Variants in HIP1 observed in about 807,000 individuals in gnomAD.
HIP1 encodes huntingtin interacting protein 1.
A neutral mutation model predicts 147.6 loss-of-function variants in HIP1; 65 were observed. That is an observed-to-expected ratio of 0.44 (90% CI 0.36 to 0.54). The LOEUF is 0.54. HIP1 is among the 20% of genes least tolerant of loss of function. The probability of loss-of-function intolerance (pLI) is 0.00; values close to 1 mark genes in which losing one functional copy is unlikely to be tolerated. For synonymous variants in HIP1, 479 were observed against 504.0 expected, an observed-to-expected ratio of 0.95 and a Z score of 0.67; for missense variants, 1,061 against 1,299.6, an observed-to-expected ratio of 0.82 and a Z score of 2.82.
At chr7:75,636,115 G>A (rs1798418650) in intron 1 of HIP1, among the ~76,000 whole-genome samples, 2 of 151,772 alleles carry the variant, frequency 1.3e-5, no homozygotes, top group Admixed American at 6.6e-5. Context: ...GCTGAGGTGG[G>A]TGGATTGCTT....
At chr7:75,695,176 T>C (rs1394911509) in intron 1 of HIP1, among the ~76,000 whole-genome samples, 4 of 152,214 alleles carry the variant, frequency 2.6e-5, no homozygotes, top group Admixed American at 2.6e-4. Context: ...TCCGTGTGCA[T>C]GGCGGAGCTC....
intron 13 of HIP1, among the ~76,000 whole-genome samples, chr7:75,560,231 GTCTCT>G (rs1262311767): frequency 3.3e-5 from 5 of 151,994 alleles, no homozygotes; most frequent in African/African-American, 1.2e-4. Flanking sequence ...GCTCACAGCT[GTCTCT>G]TCTCTTTTTT....
chr7:75,700,103 G>A (rs907845878), intron 1 of HIP1, among the ~76,000 whole-genome samples: 8 of 152,072 alleles, frequency 5.3e-5, no homozygotes, highest in African/African-American at 9.7e-5. Context: ...CGCCCGCATC[G>A]GCCTCTCAAA....
intron 1 of HIP1, among the ~76,000 whole-genome samples, chr7:75,605,455 G>T (rs769268773): frequency 6.6e-6 from 1 of 152,188 alleles, no homozygotes; most frequent in Non-Finnish European, 1.5e-5. Flanking sequence ...AGGTGGAGGG[G>T]AATGGGCCAG....
intron 1 of HIP1, among the ~76,000 whole-genome samples, chr7:75,680,240 C>G (rs180726117): frequency 2.0e-5 from 3 of 152,102 alleles, no homozygotes; most frequent in African/African-American, 7.2e-5. Context: ...GACGGGGATT[C>G]GCCATGTTGC....
intron 1 of HIP1, among the ~76,000 whole-genome samples, chr7:75,660,983 C>A (rs1270051411): frequency 6.6e-6 from 1 of 152,046 alleles, no homozygotes; most frequent in Non-Finnish European, 1.5e-5. Flanking sequence ...CAAAAAAAAT[C>A]AAGAGACACC....
chr7:75,572,212 A>T (rs1215919871), intron 8 of HIP1, among the ~76,000 whole-genome samples: 3 of 147,094 alleles, frequency 2.0e-5, no homozygotes, highest in Non-Finnish European at 4.5e-5. Context: ...TGAGAGAGTG[A>T]GACTCTGTCT....
At chr7:75,726,808 C>A (rs1415796784) in intron 1 of HIP1, among the ~76,000 whole-genome samples, 2 of 150,396 alleles carry the variant, frequency 1.3e-5, no homozygotes, top group African/African-American at 2.5e-5. Flanking sequence ...TCCCAAATAG[C>A]TGGGATTACA....
At chr7:75,662,566 C>A (rs1360379215) in intron 1 of HIP1, among the ~76,000 whole-genome samples, 1 of 152,068 alleles carries the variant, frequency 6.6e-6, no homozygotes, top group Non-Finnish European at 1.5e-5. Context: ...AGTGCAGTTG[C>A]GTGATCTCAG....
chr7:75,704,003 C>T (rs1202422990), intron 1 of HIP1, among the ~76,000 whole-genome samples: 1 of 152,090 alleles, frequency 6.6e-6, no homozygotes, highest in Non-Finnish European at 1.5e-5. Flanking sequence ...CAAGTTCCCC[C>T]AAGACTCATG....
chr7:75,587,938 C>T (rs894036141), intron 4 of HIP1, among the ~76,000 whole-genome samples: 8 of 152,162 alleles, frequency 5.3e-5, no homozygotes, highest in African/African-American at 1.9e-4. Flanking sequence ...TTCCTCCAGC[C>T]TTGGTGACAG....
chr7:75,572,007 C>T (rs587638376), intron 8 of HIP1, among the ~76,000 whole-genome samples: 4 of 152,182 alleles, frequency 2.6e-5, no homozygotes, highest in East Asian at 1.9e-4. Flanking sequence ...GCCAGGAGTT[C>T]GAGACCAGCC....
intron 9 of HIP1, among the ~76,000 whole-genome samples, chr7:75,566,413 C>T (rs1019568573): frequency 2.6e-5 from 4 of 151,462 alleles, no homozygotes; most frequent in African/African-American, 9.8e-5. Flanking sequence ...CGCAGTGAGC[C>T]CAGAATAGCA....
At position 75,694,450 on chromosome 7, in the gene HIP1, C is replaced by CTAG. The variant is rs542175163; in HGVS notation, c.120+44350_120+44351insCTA. On this transcript the variant is annotated intron_variant, in intron 1 of 30. Coordinates refer to ENST00000336926, the MANE Select transcript of HIP1 (RefSeq NM_005338.7). ...CTCTTTTTGCCACTCCAAATACTTT[C>CTAG]ATACTGAACCTTCTAGATTGATTCT... Among the ~76,000 whole-genome samples the CTAG allele has an allele frequency of 1.8e-3, 278 of 151,894 alleles. 1 individual carries two copies. Among genetic ancestry groups the CTAG allele is most frequent in the South Asian group, 3.5e-3 (17 of 4,808 alleles).
chr7:75,602,376 G>T (rs587609729), intron 1 of HIP1, among the ~76,000 whole-genome samples: 1 of 143,116 alleles, frequency 7.0e-6, no homozygotes, highest in Non-Finnish European at 1.5e-5. Flanking sequence ...TGCCCAGGCT[G>T]GCGGGACTTG....
chr7:75,611,677 GC>G, intron 1 of HIP1: 2 of 1,024,674 alleles, frequency 2.0e-6, no homozygotes, highest in Non-Finnish European at 2.3e-6. Flanking sequence ...TCTGGAGGGG[GC>G]TCTGGGTTAG....
chr7:75,650,453 C>CTTTTATTTTTTTT (rs1798934690), intron 1 of HIP1, among the ~76,000 whole-genome samples: 1 of 126,562 alleles, frequency 7.9e-6, no homozygotes, highest in African/African-American at 3.1e-5. Context: ...GCCCAGTTAT[C>CTTTTATTTTTTTT]TTTTTTTTTT....
At chr7:75,606,709 G>A (rs1015778421) in intron 1 of HIP1, among the ~76,000 whole-genome samples, 5 of 152,144 alleles carry the variant, frequency 3.3e-5, no homozygotes, top group African/African-American at 4.8e-5. Context: ...CGGCTCTTGG[G>A]TAAGAAATAG....
intron 1 of HIP1, among the ~76,000 whole-genome samples, chr7:75,673,603 T>G: frequency 6.6e-6 from 1 of 152,254 alleles, no homozygotes; most frequent in Middle Eastern, 3.4e-3. Context: ...TTTGGTTAAA[T>G]AAGTATTTTA....
Sources: gnomAD v4.1 joint callset for allele counts (sites outside exome capture counted in the v4.1 genomes callset) on GRCh38, gnomAD v4.1.1 for gene constraint, MANE v1.5 for transcripts, NCBI Gene and HGNC (gene_info 2026-07-23, HGNC 2026-07-21) for gene names.